ARHGEF10: variants seen among roughly 807,000 people sequenced by gnomAD.
ARHGEF10 encodes the protein Rho guanine nucleotide exchange factor 10.
ARHGEF10 carries 140 observed loss-of-function variants against 147.4 expected under a neutral mutation model. The observed-to-expected ratio is 0.95, with a 90% CI of 0.83 to 1.09. ARHGEF10 has a LOEUF of 1.09. Ranked by LOEUF, ARHGEF10 falls within the 50% of genes least tolerant of loss-of-function variation. ARHGEF10 has a pLI of 0.00. For missense variants in ARHGEF10, 2,222 were observed against 1,752.7 expected (o/e 1.27, Z -4.78); for synonymous variants, 902 against 695.8 (o/e 1.30, Z -4.67).
At chr8:1,830,212 C>G (rs1404679069) in intron 1 of ARHGEF10, among the ~76,000 whole-genome samples, 1 of 113,914 alleles carries the variant, frequency 8.8e-6, no homozygotes, top group African/African-American at 3.4e-5. Flanking sequence ...TGGGAGATTT[C>G]CACTGCAATC....
chr8:1,896,282 A>T, intron 13 of ARHGEF10, 51 bp from the exon 14 acceptor site: 1 of 1,264,202 alleles, frequency 7.9e-7, no homozygotes, highest in East Asian at 2.3e-5. Flanking sequence ...ATGTTGGAAA[A>T]GGGATATCTG....
At chr8:1,842,656 G>C (rs1488299680) in intron 1 of ARHGEF10, among the ~76,000 whole-genome samples, 2 of 152,248 alleles carry the variant, frequency 1.3e-5, no homozygotes, top group Admixed American at 1.3e-4. Flanking sequence ...CCTGAGGACA[G>C]CTTATTTCAC....
intron 4 of ARHGEF10, 62 bp from the exon 5 acceptor site, chr8:1,864,311 A>ATCAACT: frequency 6.9e-7 from 1 of 1,454,376 alleles, no homozygotes; most frequent in Non-Finnish European, 9.4e-7. Flanking sequence ...GGGTAAAAAC[A>ATCAACT]TCAACTTCAT....
chr8:1,876,282 C>T (rs1233627362), intron 7 of ARHGEF10: 2 of 488,432 alleles, frequency 4.1e-6, no homozygotes, highest in Non-Finnish European at 7.4e-6. Context: ...CCTGGCATGA[C>T]TGTGGCGGAT....
intron 23 of ARHGEF10, 34 bp from the exon 24 acceptor site, chr8:1,928,393 C>G (rs376037655): frequency 3.1e-5 from 50 of 1,599,010 alleles, no homozygotes; most frequent in Non-Finnish European, 4.1e-5. Flanking sequence ...GCCACATGGT[C>G]GTTTTCTTCT....
chr8:1,867,125 A>G (rs1413907604), intron 6 of ARHGEF10, among the ~76,000 whole-genome samples: 1 of 151,788 alleles, frequency 6.6e-6, no homozygotes, highest in Admixed American at 6.6e-5. Flanking sequence ...TGTTTTGTTA[A>G]TTTACCTTTG....
intron 1 of ARHGEF10, among the ~76,000 whole-genome samples, chr8:1,836,870 C>T (rs1459145771): frequency 3.3e-5 from 5 of 152,206 alleles, no homozygotes; most frequent in South Asian, 4.1e-4. Context: ...CTCACGAGAT[C>T]TGATGGGTTT....
intron 2 of ARHGEF10, among the ~76,000 whole-genome samples, chr8:1,845,144 A>T (rs1309657829): frequency 6.6e-6 from 1 of 152,200 alleles, no homozygotes; most frequent in Non-Finnish European, 1.5e-5. Flanking sequence ...TGTCTAAAAA[A>T]TAAAGGTGGA....
At position 1,930,948 on chromosome 8, in the gene ARHGEF10, C is replaced by T. The variant is rs540256689; in HGVS notation, c.3079+1505C>T. The stretch of plus-strand genomic sequence containing the variant: ...GGCGGGCCTCTGGTTGCCTCCCTCT[C>T]ATCCGGTGGGTGCCCCGGCCTGGAT... On this transcript the variant is annotated intron_variant, in intron 25 of 28. Coordinates refer to ENST00000349830, the MANE Select transcript of ARHGEF10 (RefSeq NM_014629.4). Among the ~76,000 whole-genome samples the T allele has an allele frequency of 2.6e-5, 4 of 152,376 alleles. No individual in the cohort carries two copies. In the South Asian group the frequency reaches 8.3e-4, roughly 32 times the overall value.
intron 25 of ARHGEF10, among the ~76,000 whole-genome samples, chr8:1,931,756 G>A (rs1216791050): frequency 3.9e-5 from 6 of 151,928 alleles, no homozygotes; most frequent in African/African-American, 1.4e-4. Context: ...ATTTTTAAGT[G>A]TTAGTTCAAA....
intron 16 of ARHGEF10, among the ~76,000 whole-genome samples, chr8:1,904,467 T>A (rs572510879): frequency 1.3e-5 from 2 of 152,350 alleles, no homozygotes; most frequent in Non-Finnish European, 2.9e-5. Flanking sequence ...GTAATACACT[T>A]TAAGCCACAT....
intron 17 of ARHGEF10, among the ~76,000 whole-genome samples, chr8:1,906,457 C>A (rs143229786): frequency 1.3e-5 from 2 of 152,298 alleles, no homozygotes; most frequent in African/African-American, 4.8e-5. Flanking sequence ...TGTTAGGAGC[C>A]TGTCCTCCCA....
At chr8:1,894,714 A>T in intron 13 of ARHGEF10, 142 bp downstream of exon 13, 1 of 939,330 alleles carries the variant, frequency 1.1e-6, no homozygotes. Flanking sequence ...CTGAAGTTGC[A>T]ATGCCCTGGC....
At chr8:1,952,235 G>T (rs1393364699) in intron 27 of ARHGEF10, among the ~76,000 whole-genome samples, 1 of 152,182 alleles carries the variant, frequency 6.6e-6, no homozygotes. Flanking sequence ...GTCCAACTGC[G>T]GCTGAGGGCC....
At chr8:1,908,453 C>T (rs1290685100) in intron 17 of ARHGEF10, among the ~76,000 whole-genome samples, 3 of 152,102 alleles carry the variant, frequency 2.0e-5, no homozygotes, top group Admixed American at 6.5e-5. Flanking sequence ...AGGATGGTCT[C>T]AATCTCCTGA....
intron 11 of ARHGEF10, among the ~76,000 whole-genome samples, chr8:1,886,926 G>T (rs1201186450): frequency 6.6e-6 from 1 of 152,182 alleles, no homozygotes; most frequent in African/African-American, 2.4e-5. Flanking sequence ...CCAGGGGGGT[G>T]GTTGACAGCC....
In ARHGEF10 at chr8:1,876,716, C is replaced by T. The variant is rs1807738252; in HGVS notation, c.825C>T (p.Arg275=). 6.2e-7 allele frequency: 1 copy of T among 1,614,072 alleles called. No homozygotes were observed. Among genetic ancestry groups the T allele is most frequent in the Non-Finnish European group, 8.5e-7 (1 of 1,180,044 alleles). ...CKNGIPRSFL[R]SNHKKQLSHD... ...ATGGGATTCCCAGGTCCTTCCTGCGCAGCAACCACAAAAAGCAAGTACGTG... is the reference window on the plus strand; with the variant it reads ...ATGGGATTCCCAGGTCCTTCCTGCGTAGCAACCACAAAAAGCAAGTACGTG... Residue 275 remains arginine (R), a synonymous_variant, in exon 8 of 29, where the codon CGC becomes CGT. Coordinates refer to ENST00000349830, the MANE Select transcript of ARHGEF10 (RefSeq NM_014629.4).
At chr8:1,830,755 A>G (rs1803048701) in intron 1 of ARHGEF10, among the ~76,000 whole-genome samples, 1 of 152,160 alleles carries the variant, frequency 6.6e-6, no homozygotes, top group African/African-American at 2.4e-5. Flanking sequence ...GAAGGCATAC[A>G]CGGGGCTACA....
At chr8:1,940,863 G>A (rs781399235) in intron 26 of ARHGEF10, among the ~76,000 whole-genome samples, 2 of 151,910 alleles carry the variant, frequency 1.3e-5, no homozygotes, top group Non-Finnish European at 2.9e-5. Flanking sequence ...AGAATAATGG[G>A]GAAAAAACCC....
Sources: gnomAD v4.1 joint callset for allele counts (sites outside exome capture counted in the v4.1 genomes callset) on GRCh38, gnomAD v4.1.1 for gene constraint, MANE v1.5 for transcripts, NCBI Gene and HGNC (gene_info 2026-07-23, HGNC 2026-07-21) for gene names.